The following CNTNAP2 variants were observed in gnomAD, a reference collection of about 807,000 sequenced individuals.
The protein encoded by CNTNAP2 is contactin associated protein 2, also known as contactin-associated protein-like 2.
CNTNAP2 carries 98 observed loss-of-function variants against 155.2 expected under a neutral mutation model. The ratio of observed to expected loss-of-function variants is 0.63; its 90% CI spans 0.54 to 0.75. The LOEUF (loss-of-function observed/expected upper bound fraction) is 0.75. Ranked by LOEUF, CNTNAP2 falls within the 30% of genes least tolerant of loss-of-function variation. The pLI is 0.00. For missense variants in CNTNAP2, 1,727 were observed against 1,688.1 expected (o/e 1.02, Z -0.40); for synonymous variants, 651 against 631.2 (o/e 1.03, Z -0.47).
chr7:147,219,943 T>A (rs935259940), intron 8 of CNTNAP2, among the ~76,000 whole-genome samples: 2 of 16,900 alleles, frequency 1.2e-4, no homozygotes, highest in African/African-American at 3.1e-4. Flanking sequence ...GCCCAGCTAA[T>A]TTTTTTTTTT....
At chr7:147,987,972 T>C (rs1190776588) in intron 15 of CNTNAP2, among the ~76,000 whole-genome samples, 3 of 152,056 alleles carry the variant, frequency 2.0e-5, no homozygotes, top group Non-Finnish European at 4.4e-5. Flanking sequence ...TGGGATTACA[T>C]GCATGAGCCA....
chr7:147,494,094 A>G (rs927589349), intron 11 of CNTNAP2, among the ~76,000 whole-genome samples: 2 of 137,292 alleles, frequency 1.5e-5, no homozygotes, highest in African/African-American at 2.7e-5. Flanking sequence ...CACTTCCTGA[A>G]ATCACTTTTT....
At chr7:147,525,807 T>C (rs1799308533) in intron 11 of CNTNAP2, among the ~76,000 whole-genome samples, 1 of 152,196 alleles carries the variant, frequency 6.6e-6, no homozygotes, top group African/African-American at 2.4e-5. Context: ...TATTCCGATA[T>C]GTTGTTTCCT....
At chr7:146,198,125 G>T (rs940340626) in intron 1 of CNTNAP2, among the ~76,000 whole-genome samples, 12 of 152,030 alleles carry the variant, frequency 7.9e-5, no homozygotes, top group African/African-American at 2.9e-4. Context: ...ACACATGTGG[G>T]GATGACAATT....
In CNTNAP2 at chr7:146,163,513, A is replaced by G. The variant is rs532386082; in HGVS notation, c.97+46540A>G. Among the ~76,000 whole-genome samples the G allele has an allele frequency of 1.1e-4, 6 of 53,176 alleles. No homozygotes were observed. The Admixed American group carries it at 1.3e-3, about 12-fold the overall frequency. 34.9% of individuals were successfully genotyped at this position (53,176 alleles called of 152,430 possible). On this transcript the variant is annotated intron_variant, in intron 1 of 23. Transcript: ENST00000361727. ...TATATCTATATCTATATATCTATATATATCTATATATATCTATATATATCT... is the reference window on the plus strand; with the variant it reads ...TATATCTATATCTATATATCTATATGTATCTATATATATCTATATATATCT...
At chr7:147,786,981 A>AAGGG (rs1386805005) in intron 13 of CNTNAP2, among the ~76,000 whole-genome samples, 3 of 151,546 alleles carry the variant, frequency 2.0e-5, no homozygotes, top group African/African-American at 7.3e-5. Flanking sequence ...AGAAGGAAAG[A>AAGGG]AGGGAGGGAG....
chr7:147,604,243 A>C (rs892121691), intron 12 of CNTNAP2, among the ~76,000 whole-genome samples: 6 of 151,632 alleles, frequency 4.0e-5, no homozygotes, highest in Non-Finnish European at 7.4e-5. Flanking sequence ...TAAACTAAAG[A>C]GCTTCTGCAC....
At chr7:146,133,208 C>G (rs527784355) in intron 1 of CNTNAP2, among the ~76,000 whole-genome samples, 1 of 152,100 alleles carries the variant, frequency 6.6e-6, no homozygotes, top group Non-Finnish European at 1.5e-5. Context: ...GCATAAATGT[C>G]TTCTTTTGAG....
intron 1 of CNTNAP2, among the ~76,000 whole-genome samples, chr7:146,606,661 T>G (rs1457096308): frequency 1.3e-5 from 2 of 152,212 alleles, no homozygotes; most frequent in Non-Finnish European, 2.9e-5. Context: ...AAATATAACC[T>G]TTTCACTTGA....
chr7:147,705,581 A>G lies in CNTNAP2; in HGVS notation c.2098+66275A>G, dbSNP rs531810637. The stretch of plus-strand genomic sequence containing the variant: ...GTTAGGTCCATTTGGTCAAGTGTGC[A>G]GTTTAAATCCTTTTAATTTTTTTGA... On this transcript the variant is annotated intron_variant, in intron 13 of 23. Coordinates refer to ENST00000361727, the MANE Select transcript of CNTNAP2 (RefSeq NM_014141.6). Among the ~76,000 whole-genome samples, 34 of 152,296 alleles carry G rather than the reference A, an allele frequency of 2.2e-4. No homozygotes were observed. The East Asian group carries it at 6.4e-3, about 29-fold the overall frequency.
In CNTNAP2 at chr7:148,061,878, TATAGATAGATAGATAG is replaced by T. The variant is rs199822052; in HGVS notation, c.2384-56220_2384-56205del. Among the ~76,000 whole-genome samples the T allele has an allele frequency of 8.0e-4, 90 of 112,170 alleles. 1 individual carries two copies. The highest frequency in any genetic ancestry group is 5.2e-3 in the East Asian group (16 of 3,072). 73.6% of individuals were successfully genotyped at this position (112,170 alleles called of 152,430 possible). A position where few individuals can be genotyped will look rare whatever the true frequency, so the allele number is the denominator to read the frequency against. ...AGATATAGATAGATAGATAAACAGA[TATAGATAGATAGATAG>T]ATAGATAGATAGATAGATAAACAGA... On this transcript the variant is annotated intron_variant, in intron 15 of 23. Coordinates refer to ENST00000361727, the MANE Select transcript of CNTNAP2 (RefSeq NM_014141.6).
intron 1 of CNTNAP2, among the ~76,000 whole-genome samples, chr7:146,595,929 TG>T (rs1165764786): frequency 2.1e-4 from 32 of 152,054 alleles, no homozygotes; most frequent in African/African-American, 7.7e-4. Flanking sequence ...AAATGGTAGT[TG>T]CTGAGGCCTT....
intron 22 of CNTNAP2, among the ~76,000 whole-genome samples, chr7:148,398,351 G>A (rs1799513258): frequency 6.6e-6 from 1 of 152,220 alleles, no homozygotes; most frequent in Admixed American, 6.5e-5. Flanking sequence ...CTGGTCCACA[G>A]AGCACAGAAG....
chr7:147,129,768 T>A (rs776304917), intron 7 of CNTNAP2, among the ~76,000 whole-genome samples: 1 of 152,148 alleles, frequency 6.6e-6, no homozygotes, highest in African/African-American at 2.4e-5. Context: ...AATCCCTGAA[T>A]GAATAAACAG....
chr7:147,207,229 G>A (rs1051368428), intron 8 of CNTNAP2, among the ~76,000 whole-genome samples: 1 of 152,140 alleles, frequency 6.6e-6, no homozygotes, highest in Non-Finnish European at 1.5e-5. Flanking sequence ...AGTGGTGGTA[G>A]TGGCACTGTA....
chr7:148,067,097 CTG>C (rs1313507618), intron 15 of CNTNAP2, among the ~76,000 whole-genome samples: 1 of 152,148 alleles, frequency 6.6e-6, no homozygotes, highest in Admixed American at 6.5e-5. Flanking sequence ...AATTATTTTT[CTG>C]GCAATTTGAA....
chr7:146,296,143 CTTT>C (rs1800511156), intron 1 of CNTNAP2, among the ~76,000 whole-genome samples: 1 of 152,090 alleles, frequency 6.6e-6, no homozygotes, highest in Admixed American at 6.6e-5. Context: ...AATCACAAGG[CTTT>C]TTAGGAATTG....
intron 11 of CNTNAP2, among the ~76,000 whole-genome samples, chr7:147,556,111 T>C (rs1436159509): frequency 6.6e-6 from 1 of 152,164 alleles, no homozygotes; most frequent in Non-Finnish European, 1.5e-5. Flanking sequence ...TGTTTCGTAT[T>C]CTACTGGTAG....
At chr7:146,554,839 G>T (rs1365318431) in intron 1 of CNTNAP2, among the ~76,000 whole-genome samples, 1 of 152,228 alleles carries the variant, frequency 6.6e-6, no homozygotes, top group African/African-American at 2.4e-5. Flanking sequence ...TAACAAAATA[G>T]GCGTTAGCCA....
Sources: allele counts gnomAD v4.1 joint callset (sites outside exome capture counted in the v4.1 genomes callset), GRCh38; gene constraint gnomAD v4.1.1; transcripts MANE v1.5; gene names NCBI Gene and HGNC (gene_info 2026-07-23, HGNC 2026-07-21).